ZNF385D: variants seen among roughly 807,000 people sequenced by gnomAD.
The protein encoded by ZNF385D is zinc finger protein 385D.
Under a neutral mutation model 35.8 loss-of-function variants are expected in ZNF385D, and 15 were observed. The ratio of observed to expected loss-of-function variants is 0.42; its 90% CI spans 0.28 to 0.64. The LOEUF (loss-of-function observed/expected upper bound fraction) is 0.64. Ranked by LOEUF, ZNF385D falls within the 30% of genes least tolerant of loss-of-function variation. ZNF385D has a pLI of 0.23. For missense variants in ZNF385D, 474 were observed against 494.6 expected (o/e 0.96, Z 0.39); for synonymous variants, 212 against 186.8 (o/e 1.13, Z -1.10).
At chr3:22,205,537 G>C (rs1697090655) in intron 2 of ZNF385D, among the ~76,000 whole-genome samples, 1 of 151,832 alleles carries the variant, frequency 6.6e-6, no homozygotes, top group African/African-American at 2.4e-5. Flanking sequence ...AAGATGAAAA[G>C]ACAAACTGAT....
chr3:22,047,333 A>C (rs1183507923), intron 3 of ZNF385D, among the ~76,000 whole-genome samples: 1 of 152,080 alleles, frequency 6.6e-6, no homozygotes, highest in Non-Finnish European at 1.5e-5. Context: ...AGTGACCATG[A>C]TGTACAATAG....
intron 2 of ZNF385D, among the ~76,000 whole-genome samples, chr3:22,198,915 A>C (rs1479343073): frequency 6.6e-6 from 1 of 152,122 alleles, no homozygotes; most frequent in East Asian, 1.9e-4. Flanking sequence ...GTGAGCAGCA[A>C]CTTCTTTGCT....
At chr3:22,147,833 C>T (rs1470498627) in intron 3 of ZNF385D, among the ~76,000 whole-genome samples, 2 of 152,052 alleles carry the variant, frequency 1.3e-5, no homozygotes, top group African/African-American at 2.4e-5. Flanking sequence ...AAAGTTTTTG[C>T]TGCAGAAACT....
chr3:21,507,759 T>C (rs1706887662), intron 4 of ZNF385D, among the ~76,000 whole-genome samples: 1 of 152,132 alleles, frequency 6.6e-6, no homozygotes, highest in Non-Finnish European at 1.5e-5. Context: ...GTTTTCAGAG[T>C]TGTGCTAATC....
intron 3 of ZNF385D, among the ~76,000 whole-genome samples, chr3:21,852,392 T>C (rs2673517): frequency 0.45 from 67,560 of 151,484 alleles, 15,320 homozygotes; most frequent in South Asian, 0.49. Context: ...GTCTTAGTCA[T>C]AAAAGAGGCT....
At chr3:21,587,866 A>G (rs552479513) in intron 2 of ZNF385D, among the ~76,000 whole-genome samples, 1 of 152,246 alleles carries the variant, frequency 6.6e-6, no homozygotes, top group South Asian at 2.1e-4. Flanking sequence ...AATGGGATAC[A>G]TATCTAAAGG....
At chr3:21,697,663 G>A (rs7637510) in intron 1 of ZNF385D, among the ~76,000 whole-genome samples, 85,416 of 151,942 alleles carry the variant, frequency 0.56, 25,131 homozygotes, top group Non-Finnish European at 0.65. Flanking sequence ...AACAGAGTAA[G>A]CAGACAATCT....
intron 3 of ZNF385D, among the ~76,000 whole-genome samples, chr3:22,024,317 G>T (rs569440826): frequency 2.6e-5 from 4 of 152,064 alleles, no homozygotes; most frequent in African/African-American, 9.6e-5. Flanking sequence ...CTATATATGT[G>T]TGCGTGTGTG....
At chr3:21,498,945 CAAAAAAAAAA>C (rs35511402) in intron 4 of ZNF385D, among the ~76,000 whole-genome samples, 2 of 64,264 alleles carry the variant, frequency 3.1e-5, no homozygotes, top group African/African-American at 6.5e-5. Flanking sequence ...GACTCCATCT[CAAAAAAAAAA>C]AAAAAAAAAA....
intron 3 of ZNF385D, among the ~76,000 whole-genome samples, chr3:21,775,937 T>C (rs1309773468): frequency 6.6e-6 from 1 of 151,768 alleles, no homozygotes; most frequent in Non-Finnish European, 1.5e-5. Flanking sequence ...TCATAATTCC[T>C]TACACAAATA....
chr3:21,600,179 A>G (rs925248597), intron 2 of ZNF385D, among the ~76,000 whole-genome samples: 2 of 152,216 alleles, frequency 1.3e-5, no homozygotes, highest in African/African-American at 2.4e-5. Context: ...AGAAATAACC[A>G]TAAAAATGGG....
At chr3:21,574,621 T>C (rs2063439703) in intron 2 of ZNF385D, among the ~76,000 whole-genome samples, 1 of 152,134 alleles carries the variant, frequency 6.6e-6, no homozygotes, top group Non-Finnish European at 1.5e-5. Flanking sequence ...TAGTGAAATA[T>C]ATACCAACAA....
chr3:21,481,351 C>T (rs1235280263), intron 4 of ZNF385D, among the ~76,000 whole-genome samples: 2 of 152,146 alleles, frequency 1.3e-5, no homozygotes, highest in African/African-American at 2.4e-5. Context: ...ACACTATGGT[C>T]CCTTGTGGAG....
intron 2 of ZNF385D, among the ~76,000 whole-genome samples, chr3:22,172,449 G>C (rs987313330): frequency 6.6e-6 from 1 of 152,164 alleles, no homozygotes; most frequent in Non-Finnish European, 1.5e-5. Flanking sequence ...TATTTTTCTG[G>C]GATGCAATGT....
chr3:22,077,597 C>A (rs1700528796), intron 3 of ZNF385D, among the ~76,000 whole-genome samples: 1 of 151,996 alleles, frequency 6.6e-6, no homozygotes, highest in African/African-American at 2.4e-5. Flanking sequence ...CTATTTAACA[C>A]TTTCCTTGAT....
intron 4 of ZNF385D, among the ~76,000 whole-genome samples, chr3:21,485,478 G>A (rs1465296383): frequency 6.6e-6 from 1 of 152,062 alleles, no homozygotes; most frequent in Non-Finnish European, 1.5e-5. Context: ...GGCACATCAA[G>A]GGACCTGGAA....
intron 2 of ZNF385D, among the ~76,000 whole-genome samples, chr3:22,336,628 T>C (rs1267445300): frequency 6.6e-6 from 1 of 152,022 alleles, no homozygotes; most frequent in Non-Finnish European, 1.5e-5. Flanking sequence ...ACACATCAAA[T>C]TTCCATGTTT....
At chr3:22,002,875 C>T (rs1695939596) in intron 3 of ZNF385D, among the ~76,000 whole-genome samples, 1 of 152,046 alleles carries the variant, frequency 6.6e-6, no homozygotes, top group Non-Finnish European at 1.5e-5. Context: ...AATTCAACAT[C>T]CCTTCATGAT....
chr3:22,250,196 A>G (rs1287197778), intron 2 of ZNF385D, among the ~76,000 whole-genome samples: 2 of 152,164 alleles, frequency 1.3e-5, no homozygotes, highest in East Asian at 3.8e-4. Context: ...CATATAAGAT[A>G]CAATTTAAAA....
Sources: gnomAD v4.1 joint callset for allele counts (sites outside exome capture counted in the v4.1 genomes callset) on GRCh38, gnomAD v4.1.1 for gene constraint, MANE v1.5 for transcripts, NCBI Gene and HGNC (gene_info 2026-07-23, HGNC 2026-07-21) for gene names.